Variants in PRKCH observed in about 807,000 individuals in gnomAD.
The protein encoded by PRKCH is protein kinase C eta.
A neutral mutation model predicts 82.5 loss-of-function variants in PRKCH; 28 were observed. That is an observed-to-expected ratio of 0.34 (90% confidence interval 0.25 to 0.47). The LOEUF (loss-of-function observed/expected upper bound fraction) is 0.47. Among genes scored for constraint, PRKCH ranks in the 20% least tolerant of loss-of-function variants. The probability of loss-of-function intolerance (pLI) is 1.00; values close to 1 mark genes in which losing one functional copy is unlikely to be tolerated. For synonymous variants in PRKCH, 322 were observed against 327.4 expected (o/e 0.98, Z 0.18); for missense variants, 705 against 881.8 (o/e 0.80, Z 2.54).
chr14:61,398,744 C>T (rs756223155), intron 2 of PRKCH, among the ~76,000 whole-genome samples: 1 of 152,060 alleles, frequency 6.6e-6, no homozygotes, highest in Non-Finnish European at 1.5e-5. Context: ...GGGATGTAAT[C>T]AGCAAAATCC....
At chr14:61,298,329 A>G (rs903872617) in intron 1 of PRKCH, 10 of 152,294 alleles carry the variant, frequency 6.6e-5, no homozygotes, top group African/African-American at 2.4e-4. Context: ...AATAGTGCTC[A>G]CTATGCCCAA....
intron 1 of PRKCH, among the ~76,000 whole-genome samples, chr14:61,292,124 T>C (rs2045368497): frequency 6.6e-6 from 1 of 151,894 alleles, no homozygotes; most frequent in Admixed American, 6.6e-5. Flanking sequence ...AGTTAAAAAA[T>C]TACCCTTGGG....
chr14:61,485,745 T>C, intron 10 of PRKCH, 89 bp downstream of exon 10: 1 of 1,444,186 alleles, frequency 6.9e-7, no homozygotes, highest in South Asian at 1.3e-5. Flanking sequence ...TGATAATCAG[T>C]TGAAACCTTT....
chr14:61,476,735 C>T (rs1402350382), intron 9 of PRKCH, among the ~76,000 whole-genome samples: 2 of 152,140 alleles, frequency 1.3e-5, no homozygotes, highest in African/African-American at 4.8e-5. Context: ...ATATTCAGGA[C>T]ATATTTCACC....
chr14:61,367,345 CGTGTGTGT>C (rs1349074944), intron 1 of PRKCH, among the ~76,000 whole-genome samples: 2 of 142,664 alleles, frequency 1.4e-5, no homozygotes, highest in Admixed American at 6.9e-5. Context: ...TCAGGTATTG[CGTGTGTGT>C]GTGTGTATGT....
At chr14:61,466,758 C>A (rs1428285251) in intron 9 of PRKCH, among the ~76,000 whole-genome samples, 1 of 152,128 alleles carries the variant, frequency 6.6e-6, no homozygotes, top group Non-Finnish European at 1.5e-5. Flanking sequence ...TTCAGGTGGG[C>A]CACAGGACGC....
intron 1 of PRKCH, among the ~76,000 whole-genome samples, chr14:61,329,108 A>G (rs992303363): frequency 6.6e-6 from 1 of 151,804 alleles, no homozygotes; most frequent in African/African-American, 2.4e-5. Flanking sequence ...ATCCCTGTCC[A>G]TTGTTTTCCA....
At chr14:61,274,739 C>T (rs1018141225) in intron 1 of PRKCH, among the ~76,000 whole-genome samples, 4 of 151,952 alleles carry the variant, frequency 2.6e-5, no homozygotes, top group Non-Finnish European at 5.9e-5. Flanking sequence ...TTAGTATGGC[C>T]CATACAGAAG....
At chr14:61,291,169 C>T (rs1207932138) in intron 1 of PRKCH, among the ~76,000 whole-genome samples, 1 of 152,134 alleles carries the variant, frequency 6.6e-6, no homozygotes, top group Non-Finnish European at 1.5e-5. Flanking sequence ...CTCAGTAAGT[C>T]CCTTATAGAA....
At chr14:61,357,389 T>G (rs552156876) in intron 1 of PRKCH, among the ~76,000 whole-genome samples, 2 of 152,362 alleles carry the variant, frequency 1.3e-5, no homozygotes, top group African/African-American at 4.8e-5. Context: ...TGCAAACTTA[T>G]GTGTAGTCAC....
chr14:61,509,271 A>G (rs771925426), intron 10 of PRKCH, among the ~76,000 whole-genome samples: 3 of 152,166 alleles, frequency 2.0e-5, no homozygotes, highest in Non-Finnish European at 2.9e-5. Flanking sequence ...TATGACTGGC[A>G]TACCGCAACA....
At chr14:61,210,788 C>G (rs61990843) in intron 1 of PRKCH, among the ~76,000 whole-genome samples, 42,274 of 131,578 alleles carry the variant, frequency 0.32, 6,548 homozygotes, top group East Asian at 0.45. Flanking sequence ...CTCTCTCTCT[C>G]TCTGTGTGTG....
At chr14:61,328,746 G>T (rs2045738557) in intron 1 of PRKCH, among the ~76,000 whole-genome samples, 1 of 152,012 alleles carries the variant, frequency 6.6e-6, no homozygotes, top group African/African-American at 2.4e-5. Flanking sequence ...CCAGCACTTT[G>T]GGAGGCCAAG....
intron 9 of PRKCH, among the ~76,000 whole-genome samples, chr14:61,464,545 C>G (rs572350341): frequency 1.3e-5 from 2 of 152,162 alleles, no homozygotes; most frequent in Non-Finnish European, 2.9e-5. Context: ...TAATGCTCTC[C>G]TTGCCCTTGC....
chr14:61,336,170 C>T (rs1224027311), intron 1 of PRKCH, among the ~76,000 whole-genome samples: 3 of 152,172 alleles, frequency 2.0e-5, no homozygotes, highest in Non-Finnish European at 2.9e-5. Flanking sequence ...AGTGATGGGC[C>T]CAGCCCTTTT....
At chr14:61,307,281 T>C (rs971096785) in intron 1 of PRKCH, 3 of 152,236 alleles carry the variant, frequency 2.0e-5, no homozygotes, top group Non-Finnish European at 4.4e-5. Context: ...TCCTACTGGT[T>C]ATAATTTCAC....
intron 10 of PRKCH, among the ~76,000 whole-genome samples, chr14:61,518,176 G>A (rs944825529): frequency 2.6e-5 from 4 of 152,166 alleles, no homozygotes; most frequent in African/African-American, 9.7e-5. Context: ...GAGACCCTTA[G>A]CCACCAAAGG....
At chr14:61,239,516 G>C (rs867824722) in intron 1 of PRKCH, among the ~76,000 whole-genome samples, 2 of 152,314 alleles carry the variant, frequency 1.3e-5, no homozygotes, top group South Asian at 2.1e-4. Context: ...TCCCTCTTCA[G>C]GGGGTACGTG....
intron 1 of PRKCH, among the ~76,000 whole-genome samples, chr14:61,384,019 C>A (rs1194149712): frequency 6.6e-6 from 1 of 152,014 alleles, no homozygotes; most frequent in Non-Finnish European, 1.5e-5. Flanking sequence ...TTGATGAGAT[C>A]AGCACTTTAG....
Sources: allele counts gnomAD v4.1 joint callset (sites outside exome capture counted in the v4.1 genomes callset), GRCh38; gene constraint gnomAD v4.1.1; transcripts MANE v1.5; gene names NCBI Gene and HGNC (gene_info 2026-07-23, HGNC 2026-07-21).